Variants in CWC27 observed in about 807,000 individuals in gnomAD.
The protein encoded by CWC27 is CWC27 spliceosome associated cyclophilin, also known as spliceosome-associated protein CWC27 homolog.
Under a neutral mutation model 63.6 loss-of-function variants are expected in CWC27, and 47 were observed. The observed-to-expected ratio is 0.74, with a 90% CI of 0.58 to 0.94. The LOEUF (loss-of-function observed/expected upper bound fraction) is 0.94. Among genes scored for constraint, CWC27 ranks in the 40% least tolerant of loss-of-function variants. The pLI, the probability that CWC27 is intolerant of heterozygous loss-of-function variation, is 0.00. For synonymous variants in CWC27, 175 were observed against 179.8 expected (o/e 0.97, Z 0.22); for missense variants, 495 against 554.3 (o/e 0.89, Z 1.07).
At chr5:64,782,943 T>C (rs79123851) in intron 3 of CWC27, among the ~76,000 whole-genome samples, 2,280 of 152,304 alleles carry the variant, frequency 0.015, 64 homozygotes, top group African/African-American at 0.052. Context: ...CATTCTTTTA[T>C]TCTTTTATTT....
At chr5:64,986,281 T>C (rs1749425486) in intron 13 of CWC27, among the ~76,000 whole-genome samples, 1 of 152,214 alleles carries the variant, frequency 6.6e-6, no homozygotes, top group Non-Finnish European at 1.5e-5. Flanking sequence ...TCTTCCAAAG[T>C]GTCTCTACCA....
chr5:64,808,333 G>C, intron 10 of CWC27: 1 of 988,416 alleles, frequency 1.0e-6, no homozygotes, highest in Non-Finnish European at 1.2e-6. Flanking sequence ...CAGCAAGTTG[G>C]TACTATATTC....
chr5:64,915,762 T>C (rs759542713), intron 11 of CWC27, among the ~76,000 whole-genome samples: 1 of 152,136 alleles, frequency 6.6e-6, no homozygotes, highest in Non-Finnish European at 1.5e-5. Flanking sequence ...CCAAGCTTTA[T>C]AGTAGAAGCT....
At chr5:64,796,171 C>G (rs1744259385) in intron 7 of CWC27, among the ~76,000 whole-genome samples, 1 of 151,876 alleles carries the variant, frequency 6.6e-6, no homozygotes, top group African/African-American at 2.4e-5. Flanking sequence ...ATAAGTTTTT[C>G]TGGTTCTGTG....
At chr5:64,898,243 T>A (rs1436874856) in intron 11 of CWC27, among the ~76,000 whole-genome samples, 1 of 152,144 alleles carries the variant, frequency 6.6e-6, no homozygotes, top group Non-Finnish European at 1.5e-5. Context: ...GCCATAGCAG[T>A]ACTTATAAGC....
rs1001584418 is a variant in CWC27, at chr5:64,889,336, A to T, written c.1042+3790A>T. On this transcript the variant is annotated intron_variant, in intron 11 of 13. Coordinates refer to ENST00000381070, the MANE Select transcript of CWC27 (RefSeq NM_005869.4). ...CTAATCTATGGTCACGGAAGGCCTT[A>T]ACATTAAAGTTATATGGTAACTGTA... Among the ~76,000 whole-genome samples the T allele has an allele frequency of 4.6e-5, 7 of 152,226 alleles. No homozygotes were observed. The East Asian group carries it at 9.6e-4, about 21-fold the overall frequency.
At chr5:64,861,706 G>T (rs1457276162) in intron 10 of CWC27, among the ~76,000 whole-genome samples, 1 of 152,094 alleles carries the variant, frequency 6.6e-6, no homozygotes, top group Non-Finnish European at 1.5e-5. Context: ...TGTTTCTAAT[G>T]GATATCCTAG....
intron 13 of CWC27, among the ~76,000 whole-genome samples, chr5:65,016,235 G>A (rs763453522): frequency 1.3e-5 from 2 of 152,054 alleles, no homozygotes; most frequent in Non-Finnish European, 2.9e-5. Flanking sequence ...TCTAATTAAG[G>A]GTGTCTACTA....
intron 11 of CWC27, among the ~76,000 whole-genome samples, chr5:64,960,366 T>C (rs1388256333): frequency 6.6e-6 from 1 of 152,198 alleles, no homozygotes; most frequent in African/African-American, 2.4e-5. Context: ...ATTGGCAAAA[T>C]GAAGTTCATA....
intron 10 of CWC27, among the ~76,000 whole-genome samples, chr5:64,857,464 C>T (rs1425702039): frequency 6.6e-6 from 1 of 152,168 alleles, no homozygotes; most frequent in African/African-American, 2.4e-5. Context: ...ACCTGGAGGG[C>T]ATATCGAGTA....
At chr5:64,998,349 C>T (rs1749675391) in intron 13 of CWC27, among the ~76,000 whole-genome samples, 1 of 152,004 alleles carries the variant, frequency 6.6e-6, no homozygotes, top group Non-Finnish European at 1.5e-5. Flanking sequence ...GTTGCTGAAA[C>T]CCCAGGGCAG....
At chr5:64,940,842 CTTTTT>C (rs70983655) in intron 11 of CWC27, among the ~76,000 whole-genome samples, 918 of 64,984 alleles carry the variant, frequency 0.014, 7 homozygotes, top group African/African-American at 0.047. Context: ...TTCTTTCTTT[CTTTTT>C]TTTTTTTTTT....
rs532382839 is a variant in CWC27 at position 64,941,611 on chromosome 5, A to T, written c.1043-30092A>T. On this transcript the variant is annotated intron_variant, in intron 11 of 13. Coordinates refer to ENST00000381070, the MANE Select transcript of CWC27 (RefSeq NM_005869.4). ...CCTTTATTCTCACCTAACAATAGCCACCACAGAATATACTTCCATTCCTTT... is the reference window on the plus strand; with the variant it reads ...CCTTTATTCTCACCTAACAATAGCCTCCACAGAATATACTTCCATTCCTTT... Among the ~76,000 whole-genome samples, 14 of 152,306 alleles carry T rather than the reference A, an allele frequency of 9.2e-5. No individual in the cohort carries two copies. In the East Asian group the frequency reaches 2.5e-3, roughly 27 times the overall value.
rs896243344 is a variant in CWC27, at chr5:64,820,922, C to CA, written c.938+16546dup. ...ACAAAAATGATGAAGTAAACTTTAT[C>CA]AAAAAAAAAACAAACCTTTGGTTCT... On this transcript the variant is annotated intron_variant, in intron 10 of 13. Transcript: ENST00000381070. 3.8e-3 allele frequency among the ~76,000 whole-genome samples: 514 copies of CA among 136,992 alleles called. 2 individuals carry two copies. The highest frequency in any genetic ancestry group is 0.011 in the African/African-American group (410 of 37,208). 89.9% of individuals were successfully genotyped at this position (136,992 alleles called of 152,430 possible). A position where few individuals can be genotyped will look rare whatever the true frequency, so the allele number is the denominator to read the frequency against.
intron 11 of CWC27, among the ~76,000 whole-genome samples, chr5:64,919,416 G>A (rs79156587): frequency 1.3e-3 from 199 of 152,230 alleles, no homozygotes; most frequent in Middle Eastern, 3.4e-3. Context: ...TGGGTAAATT[G>A]GGTGTCATTG....
At chr5:64,843,123 G>C (rs903214053) in intron 10 of CWC27, among the ~76,000 whole-genome samples, 3 of 152,166 alleles carry the variant, frequency 2.0e-5, no homozygotes, top group African/African-American at 7.2e-5. Flanking sequence ...AAAAGCCTCA[G>C]TCCACTGGTT....
At chr5:64,870,597 G>A (rs1253670852) in intron 10 of CWC27, among the ~76,000 whole-genome samples, 3 of 151,826 alleles carry the variant, frequency 2.0e-5, no homozygotes, top group Non-Finnish European at 4.4e-5. Flanking sequence ...AATGAGCACA[G>A]AAAGAATGAT....
At chr5:64,780,886 T>C (rs1743661103) in intron 2 of CWC27, among the ~76,000 whole-genome samples, 1 of 152,098 alleles carries the variant, frequency 6.6e-6, no homozygotes, top group African/African-American at 2.4e-5. Flanking sequence ...AAGTAGTATC[T>C]GATTGTGGTT....
chr5:65,000,915 T>C (rs1015821083), intron 13 of CWC27, among the ~76,000 whole-genome samples: 1 of 152,060 alleles, frequency 6.6e-6, no homozygotes, highest in African/African-American at 2.4e-5. Context: ...TTGTTTTGAA[T>C]AGTATGGTCA....
Sources: gnomAD v4.1 joint callset for allele counts (sites outside exome capture counted in the v4.1 genomes callset) on GRCh38, gnomAD v4.1.1 for gene constraint, MANE v1.5 for transcripts, NCBI Gene and HGNC (gene_info 2026-07-23, HGNC 2026-07-21) for gene names.